Variants in PCDHGA11 observed in about 807,000 individuals in gnomAD.
PCDHGA11 encodes the protein protocadherin gamma-A11.
Under a neutral mutation model 60.4 loss-of-function variants are expected in PCDHGA11, and 39 were observed. The observed-to-expected ratio is 0.65, with a 90% CI of 0.50 to 0.84. The LOEUF is 0.84. PCDHGA11 is among the 40% of genes least tolerant of loss of function. The pLI is 0.00. For synonymous variants in PCDHGA11, 533 were observed against 510.3 expected, an observed-to-expected ratio of 1.04 and a Z score of -0.60; for missense variants, 1,165 against 1,197.7, an observed-to-expected ratio of 0.97 and a Z score of 0.40.
intron 1 of PCDHGA11, among the ~76,000 whole-genome samples, chr5:141,457,274 C>T (rs1307741345): frequency 1.3e-5 from 2 of 152,200 alleles, no homozygotes; most frequent in Non-Finnish European, 2.9e-5. Context: ...CCTCTGTGGG[C>T]CTACGAAGTT....
At position 141,476,311 on chromosome 5, in the gene PCDHGA11, G is replaced by C. The variant is rs772962568; in HGVS notation, c.2434-18496G>C. ...ATCTCGGTAGCCTCTCAGCCCGCAGGTTCCGGGTGGTGTCTGGAGCTAGCC... is the reference window on the plus strand; with the variant it reads ...ATCTCGGTAGCCTCTCAGCCCGCAGCTTCCGGGTGGTGTCTGGAGCTAGCC... On this transcript the variant is annotated intron_variant, in intron 1 of 3. Transcript: ENST00000398587. The surrounding 1 kb of genome is among the most constrained non-coding windows in gnomAD (Gnocchi z 7.6). 18 of 1,613,680 alleles carry C rather than the reference G, an allele frequency of 1.1e-5. No homozygotes were observed. Among genetic ancestry groups the C allele is most frequent in the African/African-American group, 2.7e-5 (2 of 74,766 alleles).
intron 1 of PCDHGA11, among the ~76,000 whole-genome samples, chr5:141,448,117 A>G (rs564444141): frequency 6.6e-6 from 1 of 152,094 alleles, no homozygotes; most frequent in Non-Finnish European, 1.5e-5. Flanking sequence ...AAAGAAAATT[A>G]GCCTCCCCCA....
At position 141,430,917 on chromosome 5, in the gene PCDHGA11, G is replaced by A. The variant is rs2097324810; in HGVS notation, c.2433+7257G>A. ...GTGGGCGACATCTCCAGGGACCTGG[G>A]GCTGGAGCCCCGGGAGCTCGCGGAG... On this transcript the variant is annotated intron_variant, in intron 1 of 3. Coordinates refer to ENST00000398587, the MANE Select transcript of PCDHGA11 (RefSeq NM_018914.3). The A allele has an allele frequency of 1.9e-6, 3 of 1,607,956 alleles. No individual in the cohort carries two copies. The highest frequency in any genetic ancestry group is 2.5e-6 in the Non-Finnish European group (3 of 1,177,520).
At chr5:141,446,493 T>C (rs1416449558) in intron 1 of PCDHGA11, among the ~76,000 whole-genome samples, 2 of 152,152 alleles carry the variant, frequency 1.3e-5, no homozygotes. Flanking sequence ...TTTTTTTTTT[T>C]TGAGATGGAG....
At chr5:141,433,607 G>A (rs1209706866) in intron 1 of PCDHGA11, among the ~76,000 whole-genome samples, 2 of 152,078 alleles carry the variant, frequency 1.3e-5, no homozygotes, top group East Asian at 1.9e-4. Context: ...AGGCCGAGGC[G>A]GGTGGATCAC....
Position 141,486,989 on chromosome 5 carries a change from G to A in PCDHGA11, c.2434-7818G>A. 1.9e-6 allele frequency: 3 copies of A among 1,614,168 alleles called. No individual in the cohort carries two copies. Among genetic ancestry groups the A allele is most frequent in the Non-Finnish European group, 2.5e-6 (3 of 1,180,034 alleles). On this transcript the variant is annotated intron_variant, in intron 1 of 3. Transcript: ENST00000398587. This position sits in a 1 kb window ranked among gnomAD's most constrained non-coding sequence, Gnocchi z 5.0. ...CTTGGATTCAGGTTACAATGCTTGG[G>A]TTTCCTATCAGCTCCTGGAGGCCCC...
At chr5:141,427,198 T>G (rs1345851173) in intron 1 of PCDHGA11, 1 of 456,584 alleles carries the variant, frequency 2.2e-6, no homozygotes, top group African/African-American at 2.0e-5. Flanking sequence ...AAAGACTTAA[T>G]AGACTTCGAA....
intron 1 of PCDHGA11, among the ~76,000 whole-genome samples, chr5:141,471,791 A>C (rs904614629): frequency 1.3e-5 from 2 of 152,238 alleles, no homozygotes; most frequent in Admixed American, 1.3e-4. Context: ...ATGCTATGTC[A>C]TATAAAAGAC....
At chr5:141,507,786 GTCTAAGCC>G (rs1279265471) in intron 3 of PCDHGA11, among the ~76,000 whole-genome samples, 1 of 152,174 alleles carries the variant, frequency 6.6e-6, no homozygotes, top group Admixed American at 6.5e-5. Flanking sequence ...CCTGACCCTC[GTCTAAGCC>G]TGCGCCCTGG....
At chr5:141,451,018 C>T (rs1307161489) in intron 1 of PCDHGA11, among the ~76,000 whole-genome samples, 7 of 151,264 alleles carry the variant, frequency 4.6e-5, no homozygotes, top group African/African-American at 1.5e-4. Flanking sequence ...TTAGTAGAGA[C>T]GAGGTTTCAC....
At position 141,477,572 on chromosome 5, in the gene PCDHGA11, G is replaced by A. The variant is rs375416133; in HGVS notation, c.2434-17235G>A. The A allele has an allele frequency of 6.2e-7, 1 of 1,614,112 alleles. No homozygotes were observed. The highest frequency in any genetic ancestry group is 8.5e-7 in the Non-Finnish European group (1 of 1,180,030). On this transcript the variant is annotated intron_variant, in intron 1 of 3. Coordinates refer to ENST00000398587, the MANE Select transcript of PCDHGA11 (RefSeq NM_018914.3). This position sits in a 1 kb window ranked among gnomAD's most constrained non-coding sequence, Gnocchi z 4.9. ...AAACCTAAGTGTCTGGGACCCCGAC[G>A]CCCCGCAGAATGCTCGGCTTTCTTT...
At chr5:141,433,381 A>ATCTC (rs1561869478) in intron 1 of PCDHGA11, among the ~76,000 whole-genome samples, 1 of 151,148 alleles carries the variant, frequency 6.6e-6, no homozygotes, top group Admixed American at 6.6e-5. Flanking sequence ...CTATCTATCT[A>ATCTC]TCTATCTATC....
At chr5:141,448,984 A>C (rs2098621334) in intron 1 of PCDHGA11, among the ~76,000 whole-genome samples, 1 of 152,086 alleles carries the variant, frequency 6.6e-6, no homozygotes, top group Non-Finnish European at 1.5e-5. Context: ...CTTCCATATT[A>C]ATATATAGAA....
chr5:141,511,428 G>T lies in PCDHGA11; in HGVS notation c.*255G>T. 1 of 769,024 alleles carries T rather than the reference G, an allele frequency of 1.3e-6. No homozygotes were observed. The highest frequency in any genetic ancestry group is 2.0e-6 in the Non-Finnish European group (1 of 504,448). 47.6% of individuals were successfully genotyped at this position (769,024 alleles called of 1,614,324 possible). ...ACTGCTGTACCCATGGGGGTAGTGG[G>T]GTTACTGTAGACACCAAGAACCATT... On this transcript the variant is annotated 3_prime_UTR_variant, in exon 4 of 4. Transcript: ENST00000398587.
In PCDHGA11 at chr5:141,423,617, A is replaced by T. The variant is rs1426014397; in HGVS notation, c.2390A>T (p.Asp797Val). 3 of 1,608,486 alleles carry T rather than the reference A, an allele frequency of 1.9e-6. No homozygotes were observed. The highest frequency in any genetic ancestry group is 1.7e-5 in the Admixed American group (1 of 59,544). The change falls in exon 1 of 4, where the codon GAC (aspartate) becomes GTC (valine). Residue 797 changes from aspartate (D) to valine (V), a missense_variant. Asp to Val is a radical substitution (Grantham distance 152). Coordinates refer to ENST00000398587, the MANE Select transcript of PCDHGA11 (RefSeq NM_018914.3). ...EKSEPLLIAE[D>V]SAIILGKCDP... Reference sequence around the variant, plus strand: ...AGCGAGCCACTCTTGATAGCTGAAGACTCAGCTATCATTTTAGGCAAATGT... The same window carrying T: ...AGCGAGCCACTCTTGATAGCTGAAGTCTCAGCTATCATTTTAGGCAAATGT...
At position 141,431,747 on chromosome 5, in the gene PCDHGA11, C is replaced by T. The variant is rs371020840; in HGVS notation, c.2433+8087C>T. The T allele has an allele frequency of 5.0e-6, 8 of 1,614,064 alleles. No individual in the cohort carries two copies. In the Admixed American group the frequency reaches 5.0e-5, roughly 10 times the overall value. On this transcript the variant is annotated intron_variant, in intron 1 of 3. Transcript: ENST00000398587. This position sits in a 1 kb window ranked among gnomAD's most constrained non-coding sequence, Gnocchi z 4.8. ...AATGGATAATGCAGGATATTCTGCG[C>T]GAGCCAAAGTCCTGATCACTGTTCT...
At chr5:141,430,331 T>C (rs1266364984) in intron 1 of PCDHGA11, among the ~76,000 whole-genome samples, 2 of 150,984 alleles carry the variant, frequency 1.3e-5, no homozygotes, top group Non-Finnish European at 2.9e-5. Context: ...TCATTGTTTA[T>C]AGAAACTTCC....
At position 141,491,725 on chromosome 5, in the gene PCDHGA11, G is replaced by A. The variant is rs1008933711; in HGVS notation, c.2434-3082G>A. The A allele has an allele frequency of 6.2e-7, 1 of 1,606,496 alleles. No homozygotes were observed. The highest frequency in any genetic ancestry group is 1.3e-5 in the African/African-American group (1 of 74,728). On this transcript the variant is annotated intron_variant, in intron 1 of 3. Coordinates refer to ENST00000398587, the MANE Select transcript of PCDHGA11 (RefSeq NM_018914.3). The surrounding 1 kb of genome is among the most constrained non-coding windows in gnomAD (Gnocchi z 6.9). ...GGTGAGGGGCTCGGCGCCGCCCCGGGCGACCCCTGGGGGCGGCACTGGAGA... is the reference window on the plus strand; with the variant it reads ...GGTGAGGGGCTCGGCGCCGCCCCGGACGACCCCTGGGGGCGGCACTGGAGA...
chr5:141,451,163 G>A (rs2098709493), intron 1 of PCDHGA11, among the ~76,000 whole-genome samples: 1 of 152,086 alleles, frequency 6.6e-6, no homozygotes, highest in African/African-American at 2.4e-5. Flanking sequence ...TTTTTTGGTA[G>A]TATATTATTT....
Sources: allele counts gnomAD v4.1 joint callset (sites outside exome capture counted in the v4.1 genomes callset), GRCh38; gene constraint gnomAD v4.1.1; non-coding constraint Gnocchi (gnomAD v3.1); transcripts MANE v1.5; gene names NCBI Gene and HGNC (gene_info 2026-07-23, HGNC 2026-07-21).